The following ROBO2 variants were observed in gnomAD, a reference collection of about 807,000 sequenced individuals.
The protein encoded by ROBO2 is roundabout homolog 2.
ROBO2 carries 53 observed loss-of-function variants against 160.8 expected under a neutral mutation model. That is an observed-to-expected ratio of 0.33 (90% CI 0.26 to 0.41). The LOEUF is 0.41. Ranked by LOEUF, ROBO2 falls within the 10% of genes least tolerant of loss-of-function variation. The pLI is 1.00. For missense variants in ROBO2, 1,577 were observed against 1,722.4 expected (o/e 0.92, Z 1.49); for synonymous variants, 664 against 611.7 (o/e 1.09, Z -1.26).
At chr3:77,112,193 CA>C (rs373201643) in intron 2 of ROBO2, among the ~76,000 whole-genome samples, 7,723 of 67,746 alleles carry the variant, frequency 0.11, 363 homozygotes, top group African/African-American at 0.26. Context: ...AGACTCGTCT[CA>C]AAAAAAAAAA....
At chr3:77,230,107 T>C (rs80337853) in intron 2 of ROBO2, among the ~76,000 whole-genome samples, 2 of 152,056 alleles carry the variant, frequency 1.3e-5, no homozygotes, top group African/African-American at 4.8e-5. Context: ...TTTTTTTTTT[T>C]GAGACAGAAT....
chr3:76,992,059 T>A (rs766678373), intron 2 of ROBO2, among the ~76,000 whole-genome samples: 5 of 152,110 alleles, frequency 3.3e-5, no homozygotes, highest in Non-Finnish European at 5.9e-5. Context: ...GTGAAATGTA[T>A]GCCACCCAGA....
At chr3:77,225,203 C>T (rs1034014726) in intron 2 of ROBO2, among the ~76,000 whole-genome samples, 21 of 151,778 alleles carry the variant, frequency 1.4e-4, no homozygotes, top group African/African-American at 4.8e-4. Flanking sequence ...CCTCTTCCCA[C>T]AAAATTATTA....
intron 2 of ROBO2, among the ~76,000 whole-genome samples, chr3:76,489,569 C>T (rs1185180690): frequency 6.6e-6 from 1 of 152,152 alleles, no homozygotes; most frequent in Non-Finnish European, 1.5e-5. Context: ...CACCAAACAT[C>T]ATCAGCAAAT....
intron 2 of ROBO2, among the ~76,000 whole-genome samples, chr3:76,443,325 C>G (rs11127544): frequency 0.41 from 61,666 of 151,808 alleles, 13,358 homozygotes; most frequent in East Asian, 0.64. Context: ...GGCGAAAATC[C>G]AAAATGTATC....
intron 2 of ROBO2, among the ~76,000 whole-genome samples, chr3:76,083,449 G>A (rs989199358): frequency 1.3e-5 from 2 of 152,026 alleles, no homozygotes; most frequent in South Asian, 2.1e-4. Context: ...TTCATCATGA[G>A]AACTAGATAA....
At chr3:77,574,901 A>T (rs2093723114) in intron 14 of ROBO2, among the ~76,000 whole-genome samples, 171 bp downstream of exon 15, 1 of 152,114 alleles carries the variant, frequency 6.6e-6, no homozygotes, top group African/African-American at 2.4e-5. Flanking sequence ...ACAAGCAGAA[A>T]AAAGGACACT....
At chr3:75,983,586 C>G (rs1232266812) in intron 2 of ROBO2, among the ~76,000 whole-genome samples, 1 of 151,172 alleles carries the variant, frequency 6.6e-6, no homozygotes, top group Non-Finnish European at 1.5e-5. Flanking sequence ...GAATTGTGCC[C>G]CTTACATTGC....
chr3:76,820,022 C>T (rs2065980979), intron 2 of ROBO2, among the ~76,000 whole-genome samples: 1 of 152,118 alleles, frequency 6.6e-6, no homozygotes, highest in South Asian at 2.1e-4. Flanking sequence ...AAACAAAATG[C>T]TCCACCAGGT....
intron 2 of ROBO2, among the ~76,000 whole-genome samples, chr3:76,004,363 G>A (rs988136520): frequency 6.6e-6 from 1 of 152,224 alleles, no homozygotes; most frequent in Non-Finnish European, 1.5e-5. Context: ...GGGGTAGACA[G>A]GGGCTAGGTG....
intron 21 of ROBO2, among the ~76,000 whole-genome samples, chr3:77,609,077 C>G (rs1017531589): frequency 3.3e-5 from 5 of 151,526 alleles, no homozygotes; most frequent in African/African-American, 4.8e-5. Flanking sequence ...CATATATGCT[C>G]TATATATGCA....
intron 2 of ROBO2, among the ~76,000 whole-genome samples, chr3:76,934,728 C>T (rs1035737520): frequency 1.4e-5 from 2 of 141,760 alleles, no homozygotes; most frequent in Non-Finnish European, 3.0e-5. Context: ...GGTGACAGAG[C>T]GAGACTCCAT....
At chr3:76,031,311 G>C (rs1437708994) in intron 2 of ROBO2, among the ~76,000 whole-genome samples, 1 of 152,154 alleles carries the variant, frequency 6.6e-6, no homozygotes, top group African/African-American at 2.4e-5. Context: ...TATGCAAACA[G>C]GGACAATTTG....
At chr3:76,063,734 A>C (rs55782277) in intron 2 of ROBO2, among the ~76,000 whole-genome samples, 3,131 of 152,234 alleles carry the variant, frequency 0.021, 45 homozygotes, top group East Asian at 0.08. Context: ...GTCACTCAGC[A>C]GACTTATGGC....
intron 2 of ROBO2, among the ~76,000 whole-genome samples, chr3:76,482,212 G>T (rs778126648): frequency 2.0e-5 from 3 of 152,052 alleles, no homozygotes; most frequent in African/African-American, 7.2e-5. Context: ...ACACAAATAA[G>T]TGTTTTGCCT....
chr3:77,467,025 A>G (rs1378034309), intron 2 of ROBO2, among the ~76,000 whole-genome samples: 8 of 152,216 alleles, frequency 5.3e-5, no homozygotes, highest in African/African-American at 9.6e-5. Flanking sequence ...GTGCAGTGGA[A>G]TGCTGTAAAA....
chr3:76,543,665 G>C (rs1285172662), intron 2 of ROBO2, among the ~76,000 whole-genome samples: 3 of 152,008 alleles, frequency 2.0e-5, no homozygotes, highest in Non-Finnish European at 4.4e-5. Flanking sequence ...CTATTTCATA[G>C]GGTTGTTAGG....
chr3:76,471,194 A>T (rs1020683760), intron 2 of ROBO2, among the ~76,000 whole-genome samples: 2 of 152,140 alleles, frequency 1.3e-5, no homozygotes, highest in African/African-American at 4.8e-5. Flanking sequence ...ACAAACTATT[A>T]GCCAATTTTA....
chr3:75,974,162 A>G (rs1228677219), intron 2 of ROBO2, among the ~76,000 whole-genome samples: 2 of 151,676 alleles, frequency 1.3e-5, no homozygotes, highest in Non-Finnish European at 3.0e-5. Flanking sequence ...TGCTGAATAT[A>G]GTGCGTTTGG....
Sources: allele counts gnomAD v4.1 joint callset (sites outside exome capture counted in the v4.1 genomes callset), GRCh38; gene constraint gnomAD v4.1.1; transcripts MANE v1.5; gene names NCBI Gene and HGNC (gene_info 2026-07-23, HGNC 2026-07-21).